The following PPARGC1B variants were observed in gnomAD, a reference collection of about 807,000 sequenced individuals.
The protein encoded by PPARGC1B is PPARG coactivator 1 beta.
Under a neutral mutation model 101.6 loss-of-function variants are expected in PPARGC1B, and 34 were observed. The ratio of observed to expected loss-of-function variants is 0.33; its 90% confidence interval spans 0.25 to 0.45. The LOEUF (loss-of-function observed/expected upper bound fraction) is 0.45. Ranked by LOEUF, PPARGC1B falls within the 20% of genes least tolerant of loss-of-function variation. PPARGC1B has a pLI of 1.00. For synonymous variants in PPARGC1B, 548 were observed against 539.3 expected (o/e 1.02, Z -0.22); for missense variants, 1,234 against 1,317.6 (o/e 0.94, Z 0.98).
chr5:149,836,397 C>G lies in PPARGC1B; in HGVS notation c.1942C>G (p.Pro648Ala), dbSNP rs1429504683. ...SPEGLSLKAT[P>A]GAAHKLPKKH... ...TGAGGGCCTCTCACTCAAGGCCACC[C>G]CAGGGGCTGCCCACAAGCTGCCAAA... The change falls in exon 8 of 12, where the codon CCA becomes GCA. Residue 648 changes from proline to alanine, a missense_variant. Coordinates refer to ENST00000309241, the MANE Select transcript of PPARGC1B (RefSeq NM_133263.4). The G allele has an allele frequency of 6.2e-7, 1 of 1,614,142 alleles. No individual in the cohort carries two copies. Among genetic ancestry groups the G allele is most frequent in the African/African-American group, 1.3e-5 (1 of 75,054 alleles).
chr5:149,744,166 G>T, intron 1 of PPARGC1B, among the ~76,000 whole-genome samples: 1 of 152,170 alleles, frequency 6.6e-6, no homozygotes, highest in East Asian at 1.9e-4. Context: ...TTCAGGCTGC[G>T]TGGATCTTCC....
chr5:149,771,614 C>A (rs1172591455), intron 1 of PPARGC1B, among the ~76,000 whole-genome samples: 1 of 152,196 alleles, frequency 6.6e-6, no homozygotes, highest in East Asian at 1.9e-4. Context: ...GTAACAGGAG[C>A]CACCTGTTAC....
intron 1 of PPARGC1B, among the ~76,000 whole-genome samples, chr5:149,774,232 CT>C (rs1302537896): frequency 3.9e-5 from 6 of 152,136 alleles, no homozygotes; most frequent in African/African-American, 1.4e-4. Context: ...CTGTTCCCCC[CT>C]AGTGAGGGGA....
At chr5:149,769,280 C>T (rs1378130295) in intron 1 of PPARGC1B, among the ~76,000 whole-genome samples, 2 of 152,238 alleles carry the variant, frequency 1.3e-5, no homozygotes, top group Admixed American at 6.5e-5. Context: ...ACTTGCCCAC[C>T]ACTTATCTCC....
Position 149,833,373 on chromosome 5 carries a change from G to A in PPARGC1B, c.1300G>A (p.Glu434Lys), listed in dbSNP as rs377316132. Residue 434 changes from glutamate (E) to lysine (K), a missense_variant, in exon 5 of 12, where the codon GAG becomes AAG. Transcript: ENST00000309241. The surrounding 1 kb of genome is among the most constrained non-coding windows in gnomAD (Gnocchi z 4.1). ...ACTGCAGCAGCAGGAGGAGGAAGAC[G>A]AGGAAGAAGAGGAGGAGGAAGAGGA... ...ARLQQQEEED[E>K]EEEEEEEEEE... 377 of 1,613,332 alleles carry A rather than the reference G, an allele frequency of 2.3e-4. No individual in the cohort carries two copies. Among genetic ancestry groups the A allele is most frequent in the Non-Finnish European group, 2.8e-4 (332 of 1,179,900 alleles).
chr5:149,752,927 G>A (rs1311188539), intron 1 of PPARGC1B, among the ~76,000 whole-genome samples: 1 of 152,186 alleles, frequency 6.6e-6, no homozygotes, highest in East Asian at 1.9e-4. Flanking sequence ...TCACATTCTT[G>A]TGTTTCCATC....
rs138677083 is a variant in PPARGC1B at position 149,832,863 on chromosome 5, C to T, written c.790C>T (p.Pro264Ser). The stretch of plus-strand genomic sequence containing the variant: ...GAGCCCCCAGCCAGCTCCAGCCTCT[C>T]CCCGGGACTCCCTAGCTCTGGGCAG... ...CPSPQPAPAS[P>S]RDSLALGRAD... Residue 264 changes from proline to serine, a missense_variant, in exon 5 of 12, where the codon CCC (proline) becomes TCC (serine). Physicochemically the swap from Pro to Ser is moderately conservative, Grantham distance 74. Transcript: ENST00000309241. This position sits in a 1 kb window ranked among gnomAD's most constrained non-coding sequence, Gnocchi z 4.9. The T allele has an allele frequency of 2.5e-6, 4 of 1,611,296 alleles. No homozygotes were observed. Among genetic ancestry groups the T allele is most frequent in the East Asian group, 2.2e-5 (1 of 44,818 alleles).
chr5:149,743,552 C>T (rs1359959656), intron 1 of PPARGC1B, among the ~76,000 whole-genome samples: 1 of 152,182 alleles, frequency 6.6e-6, no homozygotes, highest in Non-Finnish European at 1.5e-5. Context: ...CAGTCCCTGG[C>T]ACACTGTAGG....
At chr5:149,738,350 T>A (rs1468521997) in intron 1 of PPARGC1B, among the ~76,000 whole-genome samples, 1 of 152,202 alleles carries the variant, frequency 6.6e-6, no homozygotes, top group Non-Finnish European at 1.5e-5. Context: ...AGTGAATAGA[T>A]CCGTGCCTGG....
chr5:149,739,815 C>T (rs1224017746), intron 1 of PPARGC1B, among the ~76,000 whole-genome samples: 2 of 152,172 alleles, frequency 1.3e-5, no homozygotes, highest in African/African-American at 4.8e-5. Context: ...CACGAGTTCT[C>T]TCATGAGATG....
intron 1 of PPARGC1B, among the ~76,000 whole-genome samples, chr5:149,768,995 A>G (rs1021330809): frequency 6.6e-6 from 1 of 152,194 alleles, no homozygotes; most frequent in African/African-American, 2.4e-5. Context: ...CAATTGATGT[A>G]TTATGATCTC....
chr5:149,772,352 T>G lies in PPARGC1B; in HGVS notation c.78+41932T>G, dbSNP rs547240613. On this transcript the variant is annotated intron_variant, in intron 1 of 11. Coordinates refer to ENST00000309241, the MANE Select transcript of PPARGC1B (RefSeq NM_133263.4). ...TGTGCTGGTGATGCAGCCAGTCTCC[T>G]GTCATGGTGTGTGGCACAATGGATT... Among the ~76,000 whole-genome samples, 4 of 152,310 alleles carry G rather than the reference T, an allele frequency of 2.6e-5. No individual in the cohort carries two copies. In the East Asian group the frequency reaches 7.7e-4, roughly 29 times the overall value.
chr5:149,741,258 G>A (rs1754893732), intron 1 of PPARGC1B, among the ~76,000 whole-genome samples: 1 of 152,260 alleles, frequency 6.6e-6, no homozygotes. Context: ...AGTTGCAGCA[G>A]CCGGCCCACG....
rs771471789 is a variant in PPARGC1B, at chr5:149,833,261, C to G, written c.1188C>G (p.Ile396Met). ...CGTCCTCGGTGGAGGAGGTAAGGAT[C>G]GCAGCTTCACCCAAGAGCACCGGGC... ...GRPSSVEEVR[I>M]AASPKSTGPR... The change falls in exon 5 of 12, where the codon ATC becomes ATG. Residue 396 changes from isoleucine (I) to methionine (M), a missense_variant. Ile to Met is a conservative substitution (Grantham distance 10). Transcript: ENST00000309241. This position sits in a 1 kb window ranked among gnomAD's most constrained non-coding sequence, Gnocchi z 4.1. 1.2e-6 allele frequency: 2 copies of G among 1,613,196 alleles called. No individual in the cohort carries two copies. Among genetic ancestry groups the G allele is most frequent in the African/African-American group, 1.3e-5 (1 of 74,930 alleles).
intron 3 of PPARGC1B, among the ~76,000 whole-genome samples, chr5:149,828,169 C>G (rs1355020143): frequency 1.3e-5 from 2 of 152,226 alleles, no homozygotes; most frequent in Admixed American, 6.5e-5. Context: ...TTCCTTCCCA[C>G]TGCCTTCAAG....
intron 1 of PPARGC1B, among the ~76,000 whole-genome samples, chr5:149,745,158 C>T (rs1472598385): frequency 1.3e-5 from 2 of 152,150 alleles, no homozygotes; most frequent in Non-Finnish European, 2.9e-5. Context: ...GCCTCGGCCT[C>T]CCAAAGTGCT....
At position 149,743,266 on chromosome 5, in the gene PPARGC1B, C is replaced by T. The variant is rs531351056; in HGVS notation, c.78+12846C>T. Among the ~76,000 whole-genome samples, 6 of 151,628 alleles carry T rather than the reference C, an allele frequency of 4.0e-5. No individual in the cohort carries two copies. In the South Asian group the frequency reaches 1.3e-3, roughly 32 times the overall value. On this transcript the variant is annotated intron_variant, in intron 1 of 11. Transcript: ENST00000309241. ...TGCCTCCTGGGTTCAACTGATTCTC[C>T]TGCCTCAGCCTCCTGAGTAGCTGGG...
In PPARGC1B at chr5:149,834,646, A is replaced by G. The variant is rs1443325470; in HGVS notation, c.1706-28A>G. 1.9e-6 allele frequency: 3 copies of G among 1,608,856 alleles called. No homozygotes were observed. The African/African-American group carries it at 4.0e-5, about 21-fold the overall frequency. ...TCTGCTAGTGATACCATATTGGGGA[A>G]TCTTATTTTTCTGTGTCTTCTTTTC... is the stretch of plus-strand genomic sequence containing the variant. On this transcript the variant is annotated intron_variant, in intron 5 of 11. Coordinates refer to ENST00000309241, the MANE Select transcript of PPARGC1B (RefSeq NM_133263.4).
chr5:149,731,776 A>G (rs1486894606), intron 1 of PPARGC1B, among the ~76,000 whole-genome samples: 1 of 152,216 alleles, frequency 6.6e-6, no homozygotes, highest in Admixed American at 6.5e-5. Context: ...GGGACGCCGC[A>G]GCCGAGACGT....
Sources: gnomAD v4.1 joint callset for allele counts (sites outside exome capture counted in the v4.1 genomes callset) on GRCh38, gnomAD v4.1.1 for gene constraint, Gnocchi (gnomAD v3.1) non-coding constraint, MANE v1.5 for transcripts, NCBI Gene and HGNC (gene_info 2026-07-23, HGNC 2026-07-21) for gene names.